KIAA1671: variants seen among roughly 807,000 people sequenced by gnomAD.
The protein encoded by KIAA1671 is uncharacterized protein KIAA1671.
A neutral mutation model predicts 131.2 loss-of-function variants in KIAA1671; 52 were observed. The ratio of observed to expected loss-of-function variants is 0.40; its 90% confidence interval spans 0.32 to 0.50. The LOEUF is 0.50. Among genes scored for constraint, KIAA1671 ranks in the 20% least tolerant of loss-of-function variants. The pLI is 0.73. For missense variants in KIAA1671, 2,360 were observed against 2,364.2 expected, an observed-to-expected ratio of 1.00 and a Z score of 0.04; for synonymous variants, 1,003 against 961.6, an observed-to-expected ratio of 1.04 and a Z score of -0.80.
intron 5 of KIAA1671, among the ~76,000 whole-genome samples, chr22:25,043,399 G>A (rs916990470): frequency 2.0e-4 from 30 of 152,292 alleles, no homozygotes; most frequent in South Asian, 4.1e-4. Context: ...AAAAACAGAG[G>A]CTCAGAGAGG....
At chr22:25,096,194 G>A (rs897446520) in intron 6 of KIAA1671, among the ~76,000 whole-genome samples, 4 of 152,180 alleles carry the variant, frequency 2.6e-5, no homozygotes, top group Non-Finnish European at 4.4e-5. Flanking sequence ...CCTGACACTC[G>A]ACACACCAAC....
intron 6 of KIAA1671, among the ~76,000 whole-genome samples, chr22:25,167,413 G>C (rs572757591): frequency 4.1e-4 from 63 of 152,276 alleles, no homozygotes; most frequent in Non-Finnish European, 7.9e-4. Flanking sequence ...TAGTGGTGAA[G>C]AAAATCCTCA....
chr22:24,998,872 C>T (rs1924286029), intron 1 of KIAA1671, among the ~76,000 whole-genome samples: 1 of 151,188 alleles, frequency 6.6e-6, no homozygotes, highest in African/African-American at 2.4e-5. Context: ...TATTATATGC[C>T]ATTATGTGAA....
chr22:25,171,331 G>C (rs1267842560), intron 7 of KIAA1671, among the ~76,000 whole-genome samples: 16 of 152,090 alleles, frequency 1.1e-4, no homozygotes, highest in Non-Finnish European at 1.5e-5. Context: ...TTGAACCTGG[G>C]AGGCGGAGGT....
At chr22:25,160,062 C>T (rs992463769) in intron 6 of KIAA1671, among the ~76,000 whole-genome samples, 4 of 152,182 alleles carry the variant, frequency 2.6e-5, no homozygotes, top group African/African-American at 7.2e-5. Context: ...TCACGCAGAA[C>T]GTTTTGTAAA....
chr22:24,985,989 G>C (rs1322688351), intron 1 of KIAA1671, among the ~76,000 whole-genome samples: 1 of 152,132 alleles, frequency 6.6e-6, no homozygotes, highest in Non-Finnish European at 1.5e-5. Flanking sequence ...ACTTGTGTGC[G>C]TGTGTGTGTT....
intron 4 of KIAA1671, among the ~76,000 whole-genome samples, chr22:25,037,402 A>G (rs1244086166): frequency 6.8e-6 from 1 of 147,562 alleles, no homozygotes; most frequent in Non-Finnish European, 1.5e-5. Context: ...GTATATATGT[A>G]TATATGTGTG....
At chr22:25,132,048 ATAT>A (rs1282521965) in intron 6 of KIAA1671, among the ~76,000 whole-genome samples, 1 of 152,194 alleles carries the variant, frequency 6.6e-6, no homozygotes, top group Non-Finnish European at 1.5e-5. Flanking sequence ...GAGTGCTGTT[ATAT>A]TATTCCCAGA....
rs950120014 is a variant in KIAA1671 at position 25,030,192 on chromosome 22, G to C, written c.1541+652G>C. On this transcript the variant is annotated intron_variant, in intron 3 of 12. Coordinates refer to ENST00000358431, the MANE Select transcript of KIAA1671 (RefSeq NM_001145206.2). ...TGTTCTAAGTCAGCTGGTTAATACCGATGTTCTAAGTCATTTGGTTAATAA... is the reference window on the plus strand; with the variant it reads ...TGTTCTAAGTCAGCTGGTTAATACCCATGTTCTAAGTCATTTGGTTAATAA... Among the ~76,000 whole-genome samples, 32 of 152,284 alleles carry C rather than the reference G, an allele frequency of 2.1e-4. No homozygotes were observed. In the East Asian group the frequency reaches 5.0e-3, roughly 24 times the overall value.
intron 6 of KIAA1671, chr22:25,052,774 T>C (rs1252074023): frequency 6.6e-6 from 1 of 152,174 alleles, no homozygotes; most frequent in Non-Finnish European, 1.5e-5. Flanking sequence ...TGGAGTGCAG[T>C]GGCATAATCT....
At chr22:25,189,734 T>C (rs4822569) in intron 11 of KIAA1671, among the ~76,000 whole-genome samples, 49,713 of 151,984 alleles carry the variant, frequency 0.33, 8,534 homozygotes, top group East Asian at 0.48. Context: ...GCATGACAAA[T>C]GGATGGATGG....
chr22:25,074,446 A>G (rs897521398), intron 6 of KIAA1671, among the ~76,000 whole-genome samples: 1 of 143,814 alleles, frequency 7.0e-6, no homozygotes, highest in Non-Finnish European at 1.5e-5. Flanking sequence ...CGGAGGTTGC[A>G]GTGAGCCAAG....
chr22:25,065,984 TG>T (rs1161576780), intron 6 of KIAA1671, among the ~76,000 whole-genome samples: 1 of 152,140 alleles, frequency 6.6e-6, no homozygotes, highest in Non-Finnish European at 1.5e-5. Flanking sequence ...CTCACAGTTC[TG>T]GAGGCTGGGA....
At chr22:25,146,704 C>A (rs938395381) in intron 6 of KIAA1671, among the ~76,000 whole-genome samples, 1 of 152,184 alleles carries the variant, frequency 6.6e-6, no homozygotes. Flanking sequence ...CCCACTCCTC[C>A]AATGGGAGCA....
chr22:24,953,974 C>T (rs1002397086), intron 1 of KIAA1671, among the ~76,000 whole-genome samples: 2 of 152,086 alleles, frequency 1.3e-5, no homozygotes, highest in Admixed American at 6.5e-5. Context: ...TGGGCTTGGC[C>T]TAGGATGGAT....
chr22:25,029,350 G>A lies in KIAA1671; in HGVS notation c.1351G>A (p.Ala451Thr). ...ISLFREDSTL[A>T]LAVGSESPLA... is the part of the protein sequence containing the mutation. The stretch of plus-strand genomic sequence containing the variant: ...CCTGTTTCGGGAGGACAGCACCTTG[G>A]CCTTGGCAGTGGGGTCTGAATCTCC... The change falls in exon 3 of 13, where the codon GCC becomes ACC. Residue 451 changes from alanine (A) to threonine (T), a missense_variant. Ala to Thr is a moderately conservative substitution (Grantham distance 58). Around this residue, in one of 3 missense-constraint regions of KIAA1671, gnomAD observed 1,185 missense variants for 1,126.2 expected, o/e 1.05. Transcript: ENST00000358431. 8 of 1,550,798 alleles carry A rather than the reference G, an allele frequency of 5.2e-6. No homozygotes were observed. Among genetic ancestry groups the A allele is most frequent in the Non-Finnish European group, 7.0e-6 (8 of 1,146,566 alleles).
chr22:25,053,584 C>CT (rs1457142875), intron 6 of KIAA1671: 1 of 152,140 alleles, frequency 6.6e-6, no homozygotes, highest in Non-Finnish European at 1.5e-5. Context: ...GAGTTTATTT[C>CT]TTTTTGGGCC....
chr22:25,042,085 C>G (rs1201796988), intron 5 of KIAA1671, among the ~76,000 whole-genome samples: 1 of 152,154 alleles, frequency 6.6e-6, no homozygotes, highest in Non-Finnish European at 1.5e-5. Context: ...CTTGAGATGG[C>G]AAACCTCATT....
At position 24,992,761 on chromosome 22, in the gene KIAA1671, G is replaced by A. The variant is rs1923907336; in HGVS notation, c.-207-32872G>A. 5.8e-5 allele frequency among the ~76,000 whole-genome samples: 7 copies of A among 121,034 alleles called. No individual in the cohort carries two copies. In the South Asian group the frequency reaches 1.4e-3, roughly 24 times the overall value. 79.4% of individuals were successfully genotyped at this position (121,034 alleles called of 152,430 possible). A position where few individuals can be genotyped will look rare whatever the true frequency, so the allele number is the denominator to read the frequency against. On this transcript the variant is annotated intron_variant, in intron 1 of 12. Transcript: ENST00000358431. ...ACCCGGGAGGCGGAGGTTGCAGTGA[G>A]CCAAGATCACGCCATTGCACTCCAG...
Sources: gnomAD v4.1 joint callset for allele counts (sites outside exome capture counted in the v4.1 genomes callset) on GRCh38, gnomAD v4.1.1 for gene constraint, gnomAD v4.1.1 regional missense constraint, MANE v1.5 for transcripts, NCBI Gene and HGNC (gene_info 2026-07-23, HGNC 2026-07-21) for gene names.